Variants in ADCY8 observed in about 807,000 individuals in gnomAD.
ADCY8 encodes adenylate cyclase type 8.
A neutral mutation model predicts 119.7 loss-of-function variants in ADCY8; 51 were observed. That is an observed-to-expected ratio of 0.43 (90% CI 0.34 to 0.54). ADCY8 has a LOEUF of 0.54. Ranked by LOEUF, ADCY8 falls within the 20% of genes least tolerant of loss-of-function variation. The probability of loss-of-function intolerance (pLI) is 0.03; values close to 1 mark genes in which losing one functional copy is unlikely to be tolerated. For synonymous variants in ADCY8, 665 were observed against 651.0 expected (o/e 1.02, Z -0.33); for missense variants, 1,383 against 1,598.8 (o/e 0.87, Z 2.30).
intron 1 of ADCY8, among the ~76,000 whole-genome samples, chr8:131,022,670 C>G (rs1823710738): frequency 6.6e-6 from 1 of 152,096 alleles, no homozygotes; most frequent in Admixed American, 6.6e-5. Flanking sequence ...AAGAATGAAC[C>G]ATTTCTCAAG....
At chr8:130,891,986 T>G (rs1433763299) in intron 7 of ADCY8, 1 of 152,188 alleles carries the variant, frequency 6.6e-6, no homozygotes, top group African/African-American at 2.4e-5. Context: ...TTTTATTTTT[T>G]GAATATTTAT....
Position 130,884,636 on chromosome 8 carries a change from A to G in ADCY8, c.2037T>C (p.Ser679=), listed in dbSNP as rs1586530767. 8 of 1,613,686 alleles carry G rather than the reference A, an allele frequency of 5.0e-6. No homozygotes were observed. The highest frequency in any genetic ancestry group is 6.8e-6 in the Non-Finnish European group (8 of 1,179,842). ...TATGCTCTCTTCTCAATTTATCGCC[A>G]CTCCGCAAGTCGATGGTATGTTCTA... ...KRIEHTIDLR[S]GDKLRREHIK... The change falls in exon 8 of 18, where the codon AGT becomes AGC. Residue 679 remains serine (S), a synonymous_variant. Coordinates refer to ENST00000286355, the MANE Select transcript of ADCY8 (RefSeq NM_001115.3).
chr8:130,819,309 T>C (rs986945896), intron 13 of ADCY8, among the ~76,000 whole-genome samples: 4 of 152,224 alleles, frequency 2.6e-5, no homozygotes, highest in East Asian at 1.9e-4. Context: ...AAATATCAGA[T>C]GTCACTTAAA....
intron 14 of ADCY8, among the ~76,000 whole-genome samples, chr8:130,805,305 A>G (rs1413434330): frequency 1.3e-5 from 2 of 152,204 alleles, no homozygotes; most frequent in Admixed American, 1.3e-4. Context: ...CGAGCCCCAT[A>G]GTTGTTATGA....
intron 2 of ADCY8, among the ~76,000 whole-genome samples, chr8:130,973,087 A>G (rs957301237): frequency 6.6e-6 from 1 of 152,230 alleles, no homozygotes; most frequent in Non-Finnish European, 1.5e-5. Flanking sequence ...TGCCTCTTTG[A>G]CAAGTCACAA....
chr8:130,952,019 C>T (rs372489185), intron 2 of ADCY8, 21 bp from the exon 3 acceptor site: 88 of 1,613,210 alleles, frequency 5.5e-5, no homozygotes, highest in African/African-American at 4.8e-4. Context: ...TGAAGAGGGA[C>T]GGTCCTGTTA....
intron 1 of ADCY8, among the ~76,000 whole-genome samples, chr8:131,023,584 T>G (rs1823740153): frequency 6.6e-6 from 1 of 152,196 alleles, no homozygotes; most frequent in African/African-American, 2.4e-5. Flanking sequence ...CTGCCACTAT[T>G]CTAAAAATCT....
intron 12 of ADCY8, among the ~76,000 whole-genome samples, chr8:130,831,467 G>C (rs974526044): frequency 6.6e-6 from 1 of 152,186 alleles, no homozygotes; most frequent in Non-Finnish European, 1.5e-5. Flanking sequence ...AGATGGTTTT[G>C]CCAAGGAGAG....
chr8:130,993,950 T>C (rs537337740), intron 1 of ADCY8, among the ~76,000 whole-genome samples: 1 of 152,350 alleles, frequency 6.6e-6, no homozygotes, highest in African/African-American at 2.4e-5. Context: ...GAAAACCAGG[T>C]TTCATCTCCT....
At chr8:130,948,652 A>AC (rs1821178696) in intron 3 of ADCY8, among the ~76,000 whole-genome samples, 1 of 141,806 alleles carries the variant, frequency 7.1e-6, no homozygotes, top group Non-Finnish European at 1.5e-5. Context: ...AATTAAAAAA[A>AC]AAAAAAAAAA....
At position 130,948,513 on chromosome 8, in the gene ADCY8, C is replaced by A. The variant is rs1205072791; in HGVS notation, c.1241+3355G>T. Among the ~76,000 whole-genome samples the A allele has an allele frequency of 3.9e-5, 6 of 152,242 alleles. No individual in the cohort carries two copies. In the East Asian group the frequency reaches 1.2e-3, roughly 30 times the overall value. On this transcript the variant is annotated intron_variant, in intron 3 of 17. Transcript: ENST00000286355. ...CCAAGGGTGTGGCTACCCCAGCCCA[C>A]GTGGGCACACGAATGCCCCCAAGCA...
chr8:130,850,361 T>C (rs1275933186), intron 9 of ADCY8, among the ~76,000 whole-genome samples: 1 of 152,154 alleles, frequency 6.6e-6, no homozygotes, highest in Non-Finnish European at 1.5e-5. Flanking sequence ...ATCTCGAGTT[T>C]CAAACTCTCA....
At chr8:130,902,850 A>G (rs901415074) in intron 7 of ADCY8, among the ~76,000 whole-genome samples, 2 of 152,068 alleles carry the variant, frequency 1.3e-5, no homozygotes, top group Non-Finnish European at 2.9e-5. Flanking sequence ...TAACTGTCAG[A>G]TAAGTGTTAT....
chr8:131,017,021 T>C (rs995608073), intron 1 of ADCY8, among the ~76,000 whole-genome samples: 1 of 152,036 alleles, frequency 6.6e-6, no homozygotes, highest in Non-Finnish European at 1.5e-5. Context: ...AAGGTGACTT[T>C]GGTGGCCTTG....
intron 1 of ADCY8, 63 bp downstream of exon 1, chr8:131,039,311 G>A: frequency 5.1e-6 from 8 of 1,574,914 alleles, no homozygotes; most frequent in Non-Finnish European, 6.9e-6. Flanking sequence ...CTCTCTGGAA[G>A]CTATATGATC....
At chr8:130,811,495 T>C (rs1025093791) in intron 14 of ADCY8, among the ~76,000 whole-genome samples, 1 of 152,242 alleles carries the variant, frequency 6.6e-6, no homozygotes, top group Non-Finnish European at 1.5e-5. Flanking sequence ...GTCTTAGAGT[T>C]CGTAATTCTT....
chr8:130,943,419 T>A lies in ADCY8; in HGVS notation c.1285A>T (p.Thr429Ser), dbSNP rs1821016285. The stretch of plus-strand genomic sequence containing the variant: ...CTGACCAGCTCCTGAGCAGACAAGG[T>A]CGTGGAGAGGTTGGTAAATCCTTTA... ...DVKGFTNLST[T>S]LSAQELVRML... Residue 429 changes from threonine to serine, a missense_variant, in exon 4 of 18, where the codon ACC (threonine) becomes TCC (serine). Thr to Ser is a moderately conservative substitution (Grantham distance 58). Coordinates refer to ENST00000286355, the MANE Select transcript of ADCY8 (RefSeq NM_001115.3). 1 of 1,602,686 alleles carries A rather than the reference T, an allele frequency of 6.2e-7. No homozygotes were observed.
intron 2 of ADCY8, among the ~76,000 whole-genome samples, chr8:130,975,264 G>A (rs953648481): frequency 3.3e-5 from 5 of 152,154 alleles, no homozygotes; most frequent in African/African-American, 1.2e-4. Flanking sequence ...TGCAAATATT[G>A]CACCACATAT....
At chr8:130,800,343 A>T in intron 15 of ADCY8, 83 bp downstream of exon 15, 1 of 1,538,148 alleles carries the variant, frequency 6.5e-7, no homozygotes, top group South Asian at 1.2e-5. Context: ...AAAAAAAAAA[A>T]TAAGTAATTC....
Sources: allele counts gnomAD v4.1 joint callset (sites outside exome capture counted in the v4.1 genomes callset), GRCh38; gene constraint gnomAD v4.1.1; transcripts MANE v1.5; gene names NCBI Gene and HGNC (gene_info 2026-07-23, HGNC 2026-07-21).